Variants in GLB1L3 observed in about 807,000 individuals in gnomAD.
GLB1L3 encodes the protein galactosidase beta 1 like 3.
In GLB1L3, 89 loss-of-function variants were observed where a neutral mutation model predicts 89.5. The ratio of observed to expected loss-of-function variants is 0.99; its 90% CI spans 0.84 to 1.19. GLB1L3 has a LOEUF of 1.19. GLB1L3 is among the 50% of genes most tolerant of loss of function. The pLI is 0.00. For missense variants in GLB1L3, 812 were observed against 813.3 expected (o/e 1.00, Z 0.02); for synonymous variants, 314 against 312.3 (o/e 1.01, Z -0.06).
intron 6 of GLB1L3, among the ~76,000 whole-genome samples, chr11:134,285,308 A>G (rs78910050): frequency 0.041 from 6,247 of 152,200 alleles, 260 homozygotes; most frequent in East Asian, 0.22. Flanking sequence ...AACCTAGAGC[A>G]CACAGTCAGG....
intron 6 of GLB1L3, chr11:134,287,168 A>G (rs1259641577): frequency 6.6e-6 from 1 of 152,268 alleles, no homozygotes; most frequent in African/African-American, 2.4e-5. Context: ...CTCGAAAAAA[A>G]ACAAAAACCC....
At chr11:134,310,178 C>A in intron 11 of GLB1L3, 1 of 373,086 alleles carries the variant, frequency 2.7e-6, no homozygotes. Flanking sequence ...TGTCTTGGGC[C>A]ACACATGAAA....
intron 18 of GLB1L3, among the ~76,000 whole-genome samples, chr11:134,317,642 T>C (rs891758952): frequency 1.3e-5 from 2 of 152,218 alleles, no homozygotes; most frequent in Non-Finnish European, 2.9e-5. Flanking sequence ...ATACTGTAGA[T>C]GTTAGATCAA....
At chr11:134,304,478 C>T (rs1236442619) in intron 9 of GLB1L3, among the ~76,000 whole-genome samples, 2 of 152,132 alleles carry the variant, frequency 1.3e-5, no homozygotes, top group African/African-American at 4.8e-5. Flanking sequence ...CTTCTTCTGT[C>T]TTACTTTCAC....
intron 10 of GLB1L3, among the ~76,000 whole-genome samples, chr11:134,308,707 T>C (rs1162722660): frequency 7.2e-6 from 1 of 138,542 alleles, no homozygotes; most frequent in Admixed American, 7.3e-5. Flanking sequence ...AATAAAACTT[T>C]TCTGGTCTCT....
intron 10 of GLB1L3, among the ~76,000 whole-genome samples, chr11:134,307,838 T>C (rs1413150495): frequency 6.6e-6 from 1 of 152,154 alleles, no homozygotes; most frequent in Non-Finnish European, 1.5e-5. Flanking sequence ...ATGAGGCTGG[T>C]GTGAGGATCA....
At chr11:134,284,425 A>G (rs1940872697) in intron 6 of GLB1L3, among the ~76,000 whole-genome samples, 1 of 152,044 alleles carries the variant, frequency 6.6e-6, no homozygotes, top group African/African-American at 2.4e-5. Context: ...GATGTATCAT[A>G]ATTCATTTAA....
At position 134,282,259 on chromosome 11, in the gene GLB1L3, G is replaced by A. The variant is rs574127279; in HGVS notation, c.527+139G>A. The A allele has an allele frequency of 7.9e-5, 86 of 1,088,014 alleles. No individual in the cohort carries two copies. The African/African-American group carries it at 1.1e-3, about 14-fold the overall frequency. The allele number at this position is 1,088,014 out of a possible 1,614,324, so 67.4% of individuals were successfully genotyped here. ...GGTGTGCTGCCCCACGCCACGCACC[G>A]TGCCTGTGTTGTCTTGTGGGAAGCC... On this transcript the variant is annotated intron_variant, in intron 5 of 19. Coordinates refer to ENST00000431683, the MANE Select transcript of GLB1L3 (RefSeq NM_001080407.3).
downstream of GLB1L3, among the ~76,000 whole-genome samples, chr11:134,319,772 G>A (rs1943137571): frequency 6.6e-6 from 1 of 151,816 alleles, no homozygotes; most frequent in Non-Finnish European, 1.5e-5. Flanking sequence ...ATGTGTGTGT[G>A]TGTATGTAGG....
In GLB1L3 at chr11:134,309,693, T is replaced by C. The variant is rs1263116856; in HGVS notation, c.1029T>C (p.Gly343=). Residue 343 remains glycine, a synonymous_variant, in exon 11 of 20, where the codon GGT becomes GGC. Transcript: ENST00000431683. ...EISFNVYMFH[G]GTNFGFMNGA... ...CCTTCAATGTATATATGTTCCATGG[T>C]GGAACCAACTTTGGTTTCATGAACG... 6.2e-7 allele frequency: 1 copy of C among 1,612,794 alleles called. No homozygotes were observed. The highest frequency in any genetic ancestry group is 2.2e-5 in the East Asian group (1 of 44,862).
intron 9 of GLB1L3, among the ~76,000 whole-genome samples, chr11:134,305,760 T>A (rs1312393053): frequency 6.6e-6 from 1 of 152,100 alleles, no homozygotes; most frequent in Non-Finnish European, 1.5e-5. Context: ...CATAGAGATA[T>A]GAATAAGATT....
chr11:134,277,169 G>T, intron 1 of GLB1L3, 157 bp from the exon 2 acceptor site: 1 of 859,172 alleles, frequency 1.2e-6, no homozygotes, highest in East Asian at 2.5e-5. Context: ...GTGATGCCGC[G>T]CTGTCCTGGC....
At chr11:134,319,691 C>CCTCTCTCTCTCT (rs34982949), downstream of GLB1L3, 3 of 143,370 alleles carry the variant, frequency 2.1e-5, no homozygotes, top group African/African-American at 7.8e-5. Context: ...CGGTCTCCCT[C>CCTCTCTCTCTCT]CTCTCTCTCT....
At chr11:134,283,650 T>G in intron 5 of GLB1L3, 87 bp from the exon 6 acceptor site, 1 of 694,162 alleles carries the variant, frequency 1.4e-6, no homozygotes, top group Admixed American at 2.4e-5. Context: ...TGGGCAGATG[T>G]GCGGCGAGCC....
chr11:134,294,584 G>A (rs1434946978), intron 9 of GLB1L3, among the ~76,000 whole-genome samples: 2 of 152,106 alleles, frequency 1.3e-5, no homozygotes, highest in Non-Finnish European at 1.5e-5. Flanking sequence ...AACATACAGA[G>A]TTCCACAACC....
chr11:134,298,594 T>G (rs1591561550), intron 9 of GLB1L3, among the ~76,000 whole-genome samples: 1 of 152,212 alleles, frequency 6.6e-6, no homozygotes, highest in Admixed American at 6.5e-5. Context: ...TCCCGTGCTA[T>G]TCTCATGATA....
At chr11:134,299,662 G>A (rs1335207071) in intron 9 of GLB1L3, among the ~76,000 whole-genome samples, 7 of 152,058 alleles carry the variant, frequency 4.6e-5, no homozygotes, top group African/African-American at 1.4e-4. Context: ...TGTTGCTTGC[G>A]GATCTCTCAG....
Position 134,301,590 on chromosome 11 carries a change from C to A in GLB1L3, c.877-5534C>A, listed in dbSNP as rs1426028520. Reference sequence around the variant, plus strand: ...ATTTTTTTTTAAGTTGTCTCTATTGCAAATTAATTTCAATTTCACTGCTTC... The same window carrying A: ...ATTTTTTTTTAAGTTGTCTCTATTGAAAATTAATTTCAATTTCACTGCTTC... On this transcript the variant is annotated intron_variant, in intron 9 of 19. Coordinates refer to ENST00000431683, the MANE Select transcript of GLB1L3 (RefSeq NM_001080407.3). Among the ~76,000 whole-genome samples the A allele has an allele frequency of 1.7e-4, 26 of 151,926 alleles. 1 individual carries two copies. The highest frequency in any genetic ancestry group is 1.5e-5 in the Non-Finnish European group (1 of 67,996).
At chr11:134,314,686 C>T (rs534338752) in intron 18 of GLB1L3, among the ~76,000 whole-genome samples, 14 of 152,250 alleles carry the variant, frequency 9.2e-5, no homozygotes, top group African/African-American at 1.9e-4. Flanking sequence ...GCATGAAGTT[C>T]GCCTTTGAAC....
Sources: gnomAD v4.1 joint callset for allele counts (sites outside exome capture counted in the v4.1 genomes callset) on GRCh38, gnomAD v4.1.1 for gene constraint, MANE v1.5 for transcripts, NCBI Gene and HGNC (gene_info 2026-07-23, HGNC 2026-07-21) for gene names.